Variants in ARHGEF9 observed in about 807,000 individuals in gnomAD.
ARHGEF9 encodes the protein Cdc42 guanine nucleotide exchange factor 9.
In ARHGEF9, 2 loss-of-function variants were observed where a neutral mutation model predicts 41.3. That is an observed-to-expected ratio of 0.05 (90% CI 0.02 to 0.15). The LOEUF (loss-of-function observed/expected upper bound fraction) is 0.15, where lower values mean the gene tolerates loss of function less well. Among genes scored for constraint, ARHGEF9 ranks in the 10% least tolerant of loss-of-function variants. The probability of loss-of-function intolerance (pLI) is 1.00; values close to 1 mark genes in which losing one functional copy is unlikely to be tolerated. For missense variants in ARHGEF9, 225 were observed against 424.7 expected (o/e 0.53, Z 4.13); for synonymous variants, 160 against 154.4 (o/e 1.04, Z -0.27).
intron 8 of ARHGEF9, among the ~76,000 whole-genome samples, chrX:63,649,739 A>G (rs782758282): frequency 1.7e-3 from 188 of 111,563 alleles, no homozygotes; most frequent in Admixed American, 4.9e-3. Context: ...TAGACACAAT[A>G]AAAAATGATA....
At position 63,635,172 on chromosome X, in the gene ARHGEF9, A is replaced by ACCCCCC; in HGVS notation, c.*2855_*2856insGGGGGG. ...TCACTGTTGCCCATCCATCCACCCCAGCCCACCCCATCCCCAAAGCACTAA... is the reference window on the plus strand; with the variant it reads ...TCACTGTTGCCCATCCATCCACCCCACCCCCCGCCCACCCCATCCCCAAAGCACTAA... On this transcript the variant is annotated 3_prime_UTR_variant, in exon 10 of 10. Coordinates refer to ENST00000671741, the MANE Select transcript of ARHGEF9 (RefSeq NM_001353921.2). 4.1e-6 allele frequency: 1 copy of ACCCCCC among 246,041 alleles called. No individual in the cohort carries two copies. The highest frequency in any genetic ancestry group is 7.6e-6 in the Non-Finnish European group (1 of 132,036). 20.3% of individuals were successfully genotyped at this position (246,041 alleles called of 1,213,427 possible). A position where few individuals can be genotyped will look rare whatever the true frequency, so the allele number is the denominator to read the frequency against.
intron 8 of ARHGEF9, 119 bp from the exon 9 acceptor site, chrX:63,644,167 C>CAAA (rs35995120): frequency 1.7e-4 from 59 of 357,129 alleles, no homozygotes; most frequent in Admixed American, 5.0e-4. Flanking sequence ...TCTTGAAATA[C>CAAA]AAAAAAAAAA....
chrX:63,743,314 C>T (rs1234606639), intron 1 of ARHGEF9: 1 of 112,640 alleles, frequency 8.9e-6, no homozygotes. Context: ...TAATACCTAA[C>T]GCTATATACT....
chrX:63,755,721 CAATTAGCTAT>C (rs1474813284), intron 1 of ARHGEF9: 1 of 381,177 alleles, frequency 2.6e-6, no homozygotes, highest in African/African-American at 2.8e-5. Flanking sequence ...AGGCAACCCA[CAATTAGCTAT>C]AAAAAGCCAA....
intron 1 of ARHGEF9, chrX:63,767,084 TA>T (rs1362674164): frequency 3.0e-6 from 3 of 1,008,049 alleles, no homozygotes; most frequent in Non-Finnish European, 4.2e-6. Flanking sequence ...TTAACAACCC[TA>T]AAGTTTAGGC....
At chrX:63,748,928 A>T (rs1556437344) in intron 1 of ARHGEF9, among the ~76,000 whole-genome samples, 1 of 112,383 alleles carries the variant, frequency 8.9e-6, no homozygotes, top group East Asian at 2.8e-4. Context: ...AAAGAAATAT[A>T]GAAAAATAAG....
At chrX:63,699,363 G>A (rs1272156409) in intron 3 of ARHGEF9, among the ~76,000 whole-genome samples, 1 of 111,883 alleles carries the variant, frequency 8.9e-6, no homozygotes, top group East Asian at 2.8e-4. Flanking sequence ...TTTATCTGCT[G>A]AGAAGCCAGT....
chrX:63,661,797 C>T (rs1445464686), intron 7 of ARHGEF9, among the ~76,000 whole-genome samples: 2 of 110,945 alleles, frequency 1.8e-5, no homozygotes, highest in Non-Finnish European at 3.8e-5. Flanking sequence ...AAACAAGCTA[C>T]AAGCTGCATA....
chrX:63,731,190 T>G (rs1172734546), intron 1 of ARHGEF9, among the ~76,000 whole-genome samples: 1 of 111,907 alleles, frequency 8.9e-6, no homozygotes, highest in Non-Finnish European at 1.9e-5. Context: ...CTATGAGGTT[T>G]TCTCAGGTTG....
intron 4 of ARHGEF9, among the ~76,000 whole-genome samples, chrX:63,680,881 C>T (rs1426552394): frequency 1.8e-5 from 2 of 111,358 alleles, no homozygotes; most frequent in Admixed American, 1.9e-4. Context: ...ACAACAACAA[C>T]AACAACAACA....
intron 2 of ARHGEF9, 32 bp downstream of exon 2, chrX:63,724,500 A>T: frequency 8.3e-7 from 1 of 1,203,552 alleles, no homozygotes; most frequent in Non-Finnish European, 1.1e-6. Flanking sequence ...CAGCCAAGGA[A>T]ATAGGAGAGG....
At chrX:63,733,157 G>C (rs1655135611) in intron 1 of ARHGEF9, among the ~76,000 whole-genome samples, 1 of 112,391 alleles carries the variant, frequency 8.9e-6, no homozygotes, top group Non-Finnish European at 1.9e-5. Context: ...TCCACTTAAA[G>C]TTCTGACTTG....
At chrX:63,677,136 G>A (rs782054282) in intron 5 of ARHGEF9, among the ~76,000 whole-genome samples, 4 of 111,804 alleles carry the variant, frequency 3.6e-5, no homozygotes, top group Non-Finnish European at 7.5e-5. Context: ...GAGAAGAAAG[G>A]AATAGCTGTG....
chrX:63,638,989 G>A (rs1251231834), intron 9 of ARHGEF9, among the ~76,000 whole-genome samples: 4 of 112,091 alleles, frequency 3.6e-5, no homozygotes, highest in Non-Finnish European at 7.5e-5. Context: ...ATTAATGGAG[G>A]ATTCCAGGAA....
At chrX:63,751,570 C>A (rs1556440908) in intron 1 of ARHGEF9, among the ~76,000 whole-genome samples, 1 of 111,599 alleles carries the variant, frequency 9.0e-6, no homozygotes, top group Non-Finnish European at 1.9e-5. Context: ...CTAGCAACAT[C>A]CCTTTATTTG....
intron 2 of ARHGEF9, chrX:63,715,867 T>C (rs2053256877): frequency 1.8e-5 from 2 of 112,205 alleles, no homozygotes; most frequent in South Asian, 3.7e-4. Flanking sequence ...GGAGTTCTTT[T>C]TGTGGTGATA....
chrX:63,648,228 C>A (rs2048265063), intron 8 of ARHGEF9, among the ~76,000 whole-genome samples: 1 of 111,601 alleles, frequency 9.0e-6, no homozygotes. Context: ...CAAAAGGAAG[C>A]CCATCAGACT....
intron 7 of ARHGEF9, among the ~76,000 whole-genome samples, chrX:63,661,758 T>C (rs1400625295): frequency 9.4e-6 from 1 of 106,172 alleles, no homozygotes; most frequent in East Asian, 3.0e-4. Context: ...TGCTCTCCTT[T>C]TCTCTCTCTC....
intron 1 of ARHGEF9, among the ~76,000 whole-genome samples, chrX:63,775,458 AATATGGTAC>A (rs782507159): frequency 3.5e-5 from 4 of 112,677 alleles, no homozygotes; most frequent in Non-Finnish European, 7.5e-5. Flanking sequence ...GGATAAAGAA[AATATGGTAC>A]ATATACACCA....
Sources: allele counts gnomAD v4.1 joint callset (sites outside exome capture counted in the v4.1 genomes callset), GRCh38; gene constraint gnomAD v4.1.1; transcripts MANE v1.5; gene names NCBI Gene and HGNC (gene_info 2026-07-23, HGNC 2026-07-21).